The following ZC4H2 variants were observed in gnomAD, a reference collection of about 807,000 sequenced individuals.
ZC4H2 encodes zinc finger C4H2 domain-containing protein.
For synonymous variants in ZC4H2, 84 were observed against 66.3 expected (o/e 1.27, Z -1.30); for missense variants, 137 against 173.9 (o/e 0.79, Z 1.19).
chrX:65,021,401 C>A (rs779806839), intron 1 of ZC4H2, among the ~76,000 whole-genome samples: 1 of 111,110 alleles, frequency 9.0e-6, no homozygotes, highest in South Asian at 3.7e-4. Context: ...GGAAACTGAA[C>A]GACCTGCTCC....
chrX:65,014,318 A>T (rs1377338248), intron 1 of ZC4H2, among the ~76,000 whole-genome samples: 1 of 111,674 alleles, frequency 9.0e-6, no homozygotes, highest in Non-Finnish European at 1.9e-5. Flanking sequence ...TATAATTCAC[A>T]CTAGTGTGCC....
At position 64,916,521 on chromosome X, in the gene ZC4H2, C is replaced by T. The variant is rs1776184941; in HGVS notation, c.*1262G>A. 1 of 112,204 alleles carries T rather than the reference C, an allele frequency of 8.9e-6. No homozygotes were observed. The highest frequency in any genetic ancestry group is 1.9e-5 in the Non-Finnish European group (1 of 53,208). 9.2% of individuals were successfully genotyped at this position (112,204 alleles called of 1,213,427 possible). A position where few individuals can be genotyped will look rare whatever the true frequency, so the allele number is the denominator to read the frequency against. ...AGAGGAACATTTTATATAGTGAACACATACACACTGTGGCAATGTAAAACT... is the reference window on the plus strand; with the variant it reads ...AGAGGAACATTTTATATAGTGAACATATACACACTGTGGCAATGTAAAACT... On this transcript the variant is annotated 3_prime_UTR_variant, in exon 5 of 5. Coordinates refer to ENST00000374839, the MANE Select transcript of ZC4H2 (RefSeq NM_018684.4).
Position 65,009,035 on chromosome X carries a change from C to T in ZC4H2, c.-272+25594G>A, listed in dbSNP as rs765906208. ...GGACACCACAATTGCCCTGACTTGACCATTACACATTTTACGATAGTATTA... is the reference window on the plus strand; with the variant it reads ...GGACACCACAATTGCCCTGACTTGATCATTACACATTTTACGATAGTATTA... On this transcript the variant is annotated intron_variant, in intron 1 of 4. Coordinates refer to the ZC4H2 transcript ENST00000337990. Among the ~76,000 whole-genome samples, 7 of 111,899 alleles carry T rather than the reference C, an allele frequency of 6.3e-5. No homozygotes were observed. In the East Asian group the frequency reaches 2.0e-3, roughly 31 times the overall value.
At chrX:64,987,216 C>T (rs1455727161) in intron 1 of ZC4H2, among the ~76,000 whole-genome samples, 1 of 110,391 alleles carries the variant, frequency 9.1e-6, no homozygotes, top group East Asian at 2.9e-4. Context: ...GTGTGAGCCA[C>T]CGTGCCTGGC....
chrX:64,923,909 G>A (rs1055071621), intron 1 of ZC4H2, among the ~76,000 whole-genome samples: 1 of 110,958 alleles, frequency 9.0e-6, no homozygotes, highest in African/African-American at 3.3e-5. Flanking sequence ...AGGCTGAAGG[G>A]CATAAAAACA....
intron 1 of ZC4H2, among the ~76,000 whole-genome samples, chrX:65,015,376 A>G (rs1307652007): frequency 1.8e-5 from 2 of 112,308 alleles, no homozygotes; most frequent in East Asian, 5.6e-4. Flanking sequence ...AATTCAATAT[A>G]GGTCAGGTCT....
intron 1 of ZC4H2, among the ~76,000 whole-genome samples, chrX:64,965,833 G>A (rs1465225662): frequency 9.3e-6 from 1 of 107,743 alleles, no homozygotes; most frequent in African/African-American, 3.4e-5. Flanking sequence ...AGTTATTGGG[G>A]AAGCTGAAGT....
chrX:64,955,263 C>A (rs1280396672), intron 1 of ZC4H2, among the ~76,000 whole-genome samples: 1 of 111,627 alleles, frequency 9.0e-6, no homozygotes, highest in African/African-American at 3.3e-5. Context: ...ATTCAGTTGT[C>A]ATTTTCAATG....
chrX:64,929,367 T>C (rs181402360), intron 1 of ZC4H2, among the ~76,000 whole-genome samples: 419 of 112,108 alleles, frequency 3.7e-3, no homozygotes, highest in African/African-American at 0.013. Flanking sequence ...GATTTTTAGT[T>C]TAATTAGGTC....
At chrX:64,944,146 T>C (rs749536368) in intron 1 of ZC4H2, among the ~76,000 whole-genome samples, 94 of 101,207 alleles carry the variant, frequency 9.3e-4, no homozygotes, top group African/African-American at 2.8e-3. Flanking sequence ...TTTTTCTTTT[T>C]TTTTTTTTTT....
chrX:64,923,389 T>C (rs180921006), intron 1 of ZC4H2, among the ~76,000 whole-genome samples: 16 of 111,044 alleles, frequency 1.4e-4, no homozygotes, highest in Non-Finnish European at 5.7e-5. Flanking sequence ...TCTCAGGATC[T>C]GCCTAGCCAT....
intron 1 of ZC4H2, among the ~76,000 whole-genome samples, chrX:64,947,263 T>A (rs1283638573): frequency 8.9e-6 from 1 of 112,181 alleles, no homozygotes; most frequent in Non-Finnish European, 1.9e-5. Flanking sequence ...AAATGGTCTA[T>A]CTATTTTGGT....
intron 1 of ZC4H2, among the ~76,000 whole-genome samples, chrX:64,960,753 G>C (rs946426406): frequency 8.9e-6 from 1 of 111,988 alleles, no homozygotes; most frequent in Non-Finnish European, 1.9e-5. Flanking sequence ...TAACCCTTAA[G>C]ATGGGTATTT....
chrX:65,020,663 G>A (rs1932829831), intron 1 of ZC4H2, among the ~76,000 whole-genome samples: 1 of 111,297 alleles, frequency 9.0e-6, no homozygotes, highest in South Asian at 3.7e-4. Context: ...ATAATGACAG[G>A]ATCAAATTCA....
At chrX:64,967,083 C>T (rs1931617669) in intron 1 of ZC4H2, among the ~76,000 whole-genome samples, 2 of 111,181 alleles carry the variant, frequency 1.8e-5, no homozygotes, top group Admixed American at 9.6e-5. Flanking sequence ...AAAAGGCTTA[C>T]GTAGAGGGAA....
At chrX:65,025,554 C>T (rs755951216) in intron 1 of ZC4H2, among the ~76,000 whole-genome samples, 2 of 111,567 alleles carry the variant, frequency 1.8e-5, no homozygotes, top group East Asian at 2.8e-4. Flanking sequence ...TCCTCAGCTC[C>T]GAGTGAGAGA....
intron 1 of ZC4H2, among the ~76,000 whole-genome samples, chrX:65,004,485 T>A (rs1932616555): frequency 8.9e-6 from 1 of 111,970 alleles, no homozygotes; most frequent in Admixed American, 9.5e-5. Flanking sequence ...AACAACCAGA[T>A]AATTAACTCA....
At chrX:64,985,308 C>A (rs922751204) in intron 1 of ZC4H2, among the ~76,000 whole-genome samples, 25 of 111,963 alleles carry the variant, frequency 2.2e-4, no homozygotes, top group African/African-American at 8.1e-4. Context: ...AATTTACATT[C>A]TCATCAACAG....
intron 1 of ZC4H2, among the ~76,000 whole-genome samples, chrX:65,015,451 T>C (rs1328273191): frequency 8.9e-6 from 1 of 112,324 alleles, no homozygotes; most frequent in Non-Finnish European, 1.9e-5. Context: ...ATGGGTATGA[T>C]GGCACCTCAC....
Sources: allele counts gnomAD v4.1 joint callset (sites outside exome capture counted in the v4.1 genomes callset), GRCh38; gene constraint gnomAD v4.1.1; transcripts MANE v1.5; gene names NCBI Gene and HGNC (gene_info 2026-07-23, HGNC 2026-07-21).